Variants in ATP5PB observed in about 807,000 individuals in gnomAD.
ATP5PB encodes the protein ATP synthase peripheral stalk subunit b, mitochondrial.
ATP5PB carries 21 observed loss-of-function variants against 34.5 expected under a neutral mutation model. The ratio of observed to expected loss-of-function variants is 0.61; its 90% CI spans 0.43 to 0.88. ATP5PB has a LOEUF of 0.88. Ranked by LOEUF, ATP5PB falls within the 40% of genes least tolerant of loss-of-function variation. The pLI is 0.00. For missense variants in ATP5PB, 293 were observed against 317.4 expected, an observed-to-expected ratio of 0.92 and a Z score of 0.58; for synonymous variants, 108 against 114.1, an observed-to-expected ratio of 0.95 and a Z score of 0.34.
rs180767273 is a variant in ATP5PB at position 111,450,387 on chromosome 1, C to T, written c.77+514C>T. ...AAGAATGAGTATGGCTAATTACCTG[C>T]CCTCATGGAGCTCACAGTCTAGGAA... On this transcript the variant is annotated intron_variant, in intron 2 of 6. Transcript: ENST00000369722. Among the ~76,000 whole-genome samples the T allele has an allele frequency of 1.2e-3, 181 of 152,256 alleles. 1 individual carries two copies. The highest frequency in any genetic ancestry group is 4.1e-3 in the African/African-American group (169 of 41,546).
At chr1:111,459,005 T>C (rs1420377585) in intron 5 of ATP5PB, among the ~76,000 whole-genome samples, 1 of 152,226 alleles carries the variant, frequency 6.6e-6, no homozygotes, top group African/African-American at 2.4e-5. Context: ...CCAGCAAGTA[T>C]TATGACATAA....
At chr1:111,451,985 G>C (rs776812929) in intron 2 of ATP5PB, among the ~76,000 whole-genome samples, 3 of 152,076 alleles carry the variant, frequency 2.0e-5, no homozygotes, top group Non-Finnish European at 4.4e-5. Context: ...TGGGCATTGT[G>C]GTGTACACCT....
chr1:111,461,000 T>A lies in ATP5PB; in HGVS notation c.*6T>A. On this transcript the variant is annotated 3_prime_UTR_variant, in exon 7 of 7. Transcript: ENST00000369722. ...AAGCACAGCCAGTTATGTAAATGTA[T>A]CTATCCCAATTGAGACAGCTAGAAA... is the stretch of plus-strand genomic sequence containing the variant. 1 of 1,611,162 alleles carries A rather than the reference T, an allele frequency of 6.2e-7. No individual in the cohort carries two copies. Among genetic ancestry groups the A allele is most frequent in the Non-Finnish European group, 8.5e-7 (1 of 1,179,034 alleles).
In ATP5PB at chr1:111,462,137, A is replaced by G. The variant is rs1046837853; in HGVS notation, c.*1143A>G. On this transcript the variant is annotated 3_prime_UTR_variant, in exon 7 of 7. Coordinates refer to ENST00000369722, the MANE Select transcript of ATP5PB (RefSeq NM_001688.5). ...ATTAAAAGCAGGGTCTTGAAGAGAT[A>G]CTTGTGTTCCATGGTGATAGCAGCC... The G allele has an allele frequency of 2.6e-5, 4 of 152,250 alleles. No homozygotes were observed. Among genetic ancestry groups the G allele is most frequent in the Non-Finnish European group, 4.4e-5 (3 of 68,036 alleles). The allele number at this position is 152,250 out of a possible 1,614,324, so 9.4% of individuals were successfully genotyped here.
At chr1:111,454,442 TTGTTGTTG>T in intron 3 of ATP5PB, 86 bp downstream of exon 3, 2 of 1,370,094 alleles carry the variant, frequency 1.5e-6, no homozygotes, top group South Asian at 1.4e-5. Flanking sequence ...TTGGTTTTTG[TTGTTGTTG>T]TTGTTGTTGT....
rs1173951243 is a variant in ATP5PB at position 111,459,542 on chromosome 1, A to G, written c.599A>G (p.His200Arg). 5.0e-6 allele frequency: 8 copies of G among 1,613,890 alleles called. No individual in the cohort carries two copies. The highest frequency in any genetic ancestry group is 1.7e-5 in the Admixed American group (1 of 59,994). Residue 200 changes from histidine (H) to arginine (R), a missense_variant, in exon 6 of 7, where the codon CAT becomes CGT. Coordinates refer to ENST00000369722, the MANE Select transcript of ATP5PB (RefSeq NM_001688.5). ...YKEVKNRLDY[H>R]ISVQNMMRRK... Reference sequence around the variant, plus strand: ...GAAGTAAAGAATCGCCTGGACTATCATATATCTGTGCAGAACATGATGCGT... The same window carrying G: ...GAAGTAAAGAATCGCCTGGACTATCGTATATCTGTGCAGAACATGATGCGT...
chr1:111,451,906 T>G (rs1482388604), intron 2 of ATP5PB, among the ~76,000 whole-genome samples: 1 of 152,062 alleles, frequency 6.6e-6, no homozygotes, highest in Non-Finnish European at 1.5e-5. Context: ...GCCCAGGAGT[T>G]CAAGACTAGC....
chr1:111,454,021 T>A (rs1055195368), intron 2 of ATP5PB, among the ~76,000 whole-genome samples, 190 bp from the exon 3 acceptor site: 1 of 152,244 alleles, frequency 6.6e-6, no homozygotes, highest in Non-Finnish European at 1.5e-5. Context: ...ATGTCTGTGA[T>A]TAATTCTTTG....
At position 111,456,215 on chromosome 1, in the gene ATP5PB, C is replaced by G. The variant is rs1283774355; in HGVS notation, c.353C>G (p.Pro118Arg). The G allele has an allele frequency of 1.2e-6, 2 of 1,606,640 alleles. No individual in the cohort carries two copies. The highest frequency in any genetic ancestry group is 2.2e-5 in the East Asian group (1 of 44,640). ...VMVYGIKKYGPFVADFADKLN... is the reference protein window; with the variant it reads ...VMVYGIKKYGRFVADFADKLN... ...GTCTATGGAATTAAAAAATATGGTC[C>G]CTTTGTTGCAGACTTTGCTGATAAA... The change falls in exon 4 of 7, where the codon CCC (proline) becomes CGC (arginine). Residue 118 changes from proline to arginine, a missense_variant. Transcript: ENST00000369722.
At chr1:111,457,832 T>G (rs561233360) in intron 5 of ATP5PB, among the ~76,000 whole-genome samples, 1 of 152,222 alleles carries the variant, frequency 6.6e-6, no homozygotes, top group African/African-American at 2.4e-5. Flanking sequence ...AAATGTTAAT[T>G]CCATGTATAT....
Position 111,449,483 on chromosome 1 carries a change from CA to C in ATP5PB, c.-58del. 6.2e-7 allele frequency: 1 copy of C among 1,614,232 alleles called. No homozygotes were observed. On this transcript the variant is annotated 5_prime_UTR_variant, in exon 1 of 7. Coordinates refer to ENST00000369722, the MANE Select transcript of ATP5PB (RefSeq NM_001688.5). ...AGCGGCCATCTTGGTCCTGCCCTGA[CA>C]GATTCTCCTATCGGGGTCACAGGGA... is the stretch of plus-strand genomic sequence containing the variant.
At chr1:111,457,240 G>A (rs1462503483) in intron 5 of ATP5PB, among the ~76,000 whole-genome samples, 1 of 151,990 alleles carries the variant, frequency 6.6e-6, no homozygotes, top group Non-Finnish European at 1.5e-5. Flanking sequence ...TTGCACCCAG[G>A]AGGTCAAGGC....
In ATP5PB at chr1:111,461,985, C is replaced by T. The variant is rs985405009; in HGVS notation, c.*991C>T. On this transcript the variant is annotated 3_prime_UTR_variant, in exon 7 of 7. Coordinates refer to ENST00000369722, the MANE Select transcript of ATP5PB (RefSeq NM_001688.5). The stretch of plus-strand genomic sequence containing the variant: ...TGGCAAGGAAGTGGAGAAGTTGGAA[C>T]ACTTGTGCACTGTTCGTAGAAATAT... The T allele has an allele frequency of 3.3e-5, 5 of 150,824 alleles. No homozygotes were observed. Among genetic ancestry groups the T allele is most frequent in the African/African-American group, 1.2e-4 (5 of 40,986 alleles). 9.3% of individuals were successfully genotyped at this position (150,824 alleles called of 1,614,324 possible).
At position 111,457,312 on chromosome 1, in the gene ATP5PB, A is replaced by AACACACACACACACAC. The variant is rs111663185; in HGVS notation, c.513+571_513+586dup. Among the ~76,000 whole-genome samples the AACACACACACACACAC allele has an allele frequency of 1.4e-3, 199 of 146,812 alleles. 1 individual carries two copies. Among genetic ancestry groups the AACACACACACACACAC allele is most frequent in the African/African-American group, 5.0e-3 (195 of 39,356 alleles). ...TAGGCAACAGAGCAAGACTCTCTCAAACACACACACACACACACACACACA... is the reference window on the plus strand; with the variant it reads ...TAGGCAACAGAGCAAGACTCTCTCAAACACACACACACACACACACACACACACACACACACACACA... On this transcript the variant is annotated intron_variant, in intron 5 of 6. Transcript: ENST00000369722.
chr1:111,456,163 A>G lies in ATP5PB; in HGVS notation c.301A>G (p.Thr101Ala), dbSNP rs750616843. Residue 101 changes from threonine to alanine, a missense_variant, in exon 4 of 7, where the codon ACT (threonine) becomes GCT (alanine). Thr to Ala is a moderately conservative substitution (Grantham distance 58, BLOSUM62 0). Transcript: ENST00000369722. ...EIYVISAETF[T>A]ALSVLGVMVY... ...ATATGTGATTAGCGCAGAGACCTTCACTGCCCTATCAGTACTAGGTGTAAT... is the reference window on the plus strand; with the variant it reads ...ATATGTGATTAGCGCAGAGACCTTCGCTGCCCTATCAGTACTAGGTGTAAT... 1.9e-6 allele frequency: 3 copies of G among 1,612,590 alleles called. No homozygotes were observed. Among genetic ancestry groups the G allele is most frequent in the Non-Finnish European group, 2.5e-6 (3 of 1,178,960 alleles).
At chr1:111,453,986 A>G (rs142167710) in intron 2 of ATP5PB, among the ~76,000 whole-genome samples, 1 of 152,320 alleles carries the variant, frequency 6.6e-6, no homozygotes, top group East Asian at 1.9e-4. Context: ...GATAGAAGGG[A>G]TTCCAGTATT....
At chr1:111,451,467 AC>A in intron 2 of ATP5PB, among the ~76,000 whole-genome samples, 1 of 152,236 alleles carries the variant, frequency 6.6e-6, no homozygotes, top group East Asian at 1.9e-4. Context: ...GTATGGAGAT[AC>A]ACACTCACCC....
At chr1:111,453,208 A>G (rs1173796418) in intron 2 of ATP5PB, among the ~76,000 whole-genome samples, 1 of 152,186 alleles carries the variant, frequency 6.6e-6, no homozygotes, top group African/African-American at 2.4e-5. Flanking sequence ...TTAAGGAGAC[A>G]TCAGTATGCT....
chr1:111,453,505 GA>G (rs1193512763), intron 2 of ATP5PB, among the ~76,000 whole-genome samples: 2 of 151,668 alleles, frequency 1.3e-5, no homozygotes, highest in African/African-American at 4.8e-5. Flanking sequence ...ATCTTACATA[GA>G]AAAGCAAAAT....
Sources: gnomAD v4.1 joint callset for allele counts (sites outside exome capture counted in the v4.1 genomes callset) on GRCh38, gnomAD v4.1.1 for gene constraint, MANE v1.5 for transcripts, NCBI Gene and HGNC (gene_info 2026-07-23, HGNC 2026-07-21) for gene names.